The following HDAC9 variants were observed in gnomAD, a reference collection of about 807,000 sequenced individuals.
HDAC9 encodes the protein MEF-2 interacting transcription repressor (MITR) protein.
HDAC9 carries 41 observed loss-of-function variants against 139.4 expected under a neutral mutation model. The observed-to-expected ratio is 0.29, with a 90% CI of 0.23 to 0.38. The LOEUF (loss-of-function observed/expected upper bound fraction) is 0.38, where lower values mean the gene tolerates loss of function less well. HDAC9 is among the 10% of genes least tolerant of loss of function. The pLI is 1.00. For synonymous variants in HDAC9, 517 were observed against 476.2 expected, an observed-to-expected ratio of 1.09 and a Z score of -1.12; for missense variants, 1,147 against 1,297.0, an observed-to-expected ratio of 0.88 and a Z score of 1.78.
At chr7:18,509,237 A>C (rs944565789) in intron 2 of HDAC9, 52 of 979,424 alleles carry the variant, frequency 5.3e-5, no homozygotes, top group Middle Eastern at 1.1e-3. Context: ...AAGCACAATT[A>C]GAATAGAGCA....
intron 2 of HDAC9, among the ~76,000 whole-genome samples, chr7:18,511,896 G>A (rs1801623297): frequency 6.6e-6 from 1 of 151,958 alleles, no homozygotes; most frequent in South Asian, 2.1e-4. Flanking sequence ...GGATTCGAGT[G>A]GTTTTCATAT....
chr7:18,994,948 C>G (rs1248612340), intron 25 of HDAC9, among the ~76,000 whole-genome samples: 3 of 152,088 alleles, frequency 2.0e-5, no homozygotes, highest in East Asian at 3.9e-4. Context: ...AAGCATCATC[C>G]AAATATTTTT....
At chr7:18,923,550 C>T (rs1272301689) in intron 22 of HDAC9, among the ~76,000 whole-genome samples, 1 of 152,060 alleles carries the variant, frequency 6.6e-6, no homozygotes, top group Non-Finnish European at 1.5e-5. Flanking sequence ...CCTCTGCTTA[C>T]CTCACTCTCT....
intron 11 of HDAC9, among the ~76,000 whole-genome samples, chr7:18,652,201 A>C (rs923098980): frequency 6.6e-6 from 1 of 152,110 alleles, no homozygotes; most frequent in African/African-American, 2.4e-5. Flanking sequence ...TCAAAAAATC[A>C]AGAGTTTCTT....
intron 1 of HDAC9, among the ~76,000 whole-genome samples, chr7:18,397,827 G>C (rs73056522): frequency 0.019 from 2,910 of 152,142 alleles, 51 homozygotes; most frequent in Middle Eastern, 0.054. Flanking sequence ...GACCCTATTG[G>C]TAGTATTAAA....
chr7:18,375,802 C>G (rs1011739294), intron 1 of HDAC9, among the ~76,000 whole-genome samples: 8 of 152,160 alleles, frequency 5.3e-5, no homozygotes, highest in Admixed American at 4.6e-4. Flanking sequence ...GCTGCAAGGT[C>G]CTGGGTATGC....
intron 12 of HDAC9, among the ~76,000 whole-genome samples, chr7:18,715,451 A>G (rs1453427339): frequency 1.3e-5 from 2 of 152,150 alleles, no homozygotes; most frequent in African/African-American, 4.8e-5. Context: ...GGAAGGGTAA[A>G]ATAGAGATAA....
At chr7:18,090,179 G>C (rs987535509) in intron 1 of HDAC9, among the ~76,000 whole-genome samples, 3 of 152,066 alleles carry the variant, frequency 2.0e-5, no homozygotes, top group Non-Finnish European at 4.4e-5. Context: ...TATACCCAAC[G>C]TTACACCATA....
intron 1 of HDAC9, among the ~76,000 whole-genome samples, chr7:18,149,542 A>G (rs144405593): frequency 4.2e-4 from 63 of 149,860 alleles, no homozygotes; most frequent in African/African-American, 1.4e-3. Flanking sequence ...TTTATTTATT[A>G]TTTATTATTT....
chr7:18,165,282 A>G (rs965467360), intron 2 of HDAC9, among the ~76,000 whole-genome samples: 1 of 152,136 alleles, frequency 6.6e-6, no homozygotes, highest in Non-Finnish European at 1.5e-5. Context: ...AGCCTGGGGG[A>G]AGGATACTGG....
chr7:18,604,532 G>A (rs550450067), intron 6 of HDAC9, among the ~76,000 whole-genome samples: 38 of 151,614 alleles, frequency 2.5e-4, no homozygotes, highest in African/African-American at 5.8e-4. Flanking sequence ...TCAGCCTCCC[G>A]AGAAGCTGGG....
At chr7:18,606,543 CTT>C (rs1055909396) in intron 6 of HDAC9, among the ~76,000 whole-genome samples, 2 of 152,056 alleles carry the variant, frequency 1.3e-5, no homozygotes, top group Non-Finnish European at 2.9e-5. Context: ...GTAAGCAAGA[CTT>C]GGGAATTGTA....
chr7:18,204,470 T>G (rs1276140251), intron 2 of HDAC9, among the ~76,000 whole-genome samples: 1 of 151,946 alleles, frequency 6.6e-6, no homozygotes, highest in Non-Finnish European at 1.5e-5. Flanking sequence ...CTTTGCCAAA[T>G]TGCTTTCTAA....
At chr7:18,637,824 C>A (rs1264518255) in intron 8 of HDAC9, among the ~76,000 whole-genome samples, 1 of 151,840 alleles carries the variant, frequency 6.6e-6, no homozygotes, top group African/African-American at 2.4e-5. Flanking sequence ...AATTCATTCT[C>A]GATAGGTGAG....
At chr7:18,503,964 C>G (rs1417742287) in intron 2 of HDAC9, among the ~76,000 whole-genome samples, 1 of 152,048 alleles carries the variant, frequency 6.6e-6, no homozygotes, top group Non-Finnish European at 1.5e-5. Context: ...CCCCCAAAAT[C>G]CAGAAAACAA....
chr7:18,473,594 G>C (rs1194358549), intron 1 of HDAC9, among the ~76,000 whole-genome samples: 1 of 152,218 alleles, frequency 6.6e-6, no homozygotes, highest in Non-Finnish European at 1.5e-5. Context: ...TATAAGAAGA[G>C]ATTATTTTGG....
chr7:18,093,416 G>T (rs1050999046), intron 1 of HDAC9, among the ~76,000 whole-genome samples: 1 of 152,156 alleles, frequency 6.6e-6, no homozygotes, highest in Non-Finnish European at 1.5e-5. Flanking sequence ...ATTGCTGTTG[G>T]GTTCCATCAT....
chr7:18,508,898 G>A (rs1175734916), intron 2 of HDAC9, among the ~76,000 whole-genome samples: 1 of 152,148 alleles, frequency 6.6e-6, no homozygotes, highest in Non-Finnish European at 1.5e-5. Flanking sequence ...CCTTTGTTAG[G>A]CGGCTGGAGA....
At chr7:18,197,986 T>A (rs551397533) in intron 2 of HDAC9, among the ~76,000 whole-genome samples, 2 of 152,286 alleles carry the variant, frequency 1.3e-5, no homozygotes, top group East Asian at 3.9e-4. Flanking sequence ...TTTGTAGGAT[T>A]CCTTACAACT....
Sources: gnomAD v4.1 joint callset for allele counts (sites outside exome capture counted in the v4.1 genomes callset) on GRCh38, gnomAD v4.1.1 for gene constraint, MANE v1.5 for transcripts, NCBI Gene and HGNC (gene_info 2026-07-23, HGNC 2026-07-21) for gene names.